MYRIP: variants seen among roughly 807,000 people sequenced by gnomAD.
MYRIP encodes the protein rab effector MyRIP.
In MYRIP, 49 loss-of-function variants were observed where a neutral mutation model predicts 98.0. That is an observed-to-expected ratio of 0.50 (90% CI 0.40 to 0.63). MYRIP has a LOEUF of 0.63. Among genes scored for constraint, MYRIP ranks in the 30% least tolerant of loss-of-function variants. The probability of loss-of-function intolerance (pLI) is 0.00; values close to 1 mark genes in which losing one functional copy is unlikely to be tolerated. For missense variants in MYRIP, 1,004 were observed against 1,058.2 expected (o/e 0.95, Z 0.71); for synonymous variants, 404 against 409.5 (o/e 0.99, Z 0.16).
intron 2 of MYRIP, among the ~76,000 whole-genome samples, chr3:39,985,657 A>G (rs1168536101): frequency 1.4e-5 from 2 of 146,996 alleles, no homozygotes; most frequent in Non-Finnish European, 3.0e-5. Flanking sequence ...AACGCTGCAT[A>G]TCTACAACTA....
At chr3:40,110,070 A>G (rs1159742031) in intron 3 of MYRIP, among the ~76,000 whole-genome samples, 2 of 152,198 alleles carry the variant, frequency 1.3e-5, no homozygotes, top group African/African-American at 4.8e-5. Flanking sequence ...TGGGCCTTAC[A>G]GCCTGTTACC....
At chr3:39,885,513 C>T (rs1344554487) in intron 1 of MYRIP, among the ~76,000 whole-genome samples, 1 of 152,002 alleles carries the variant, frequency 6.6e-6, no homozygotes. Context: ...TTCTGGCGTT[C>T]TCTGTATTTC....
rs1951683852 is a variant in MYRIP, at chr3:40,204,008, TATATATA to T, written c.1666-5838_1666-5832del. Among the ~76,000 whole-genome samples the T allele has an allele frequency of 1.5e-3, 4 of 2,640 alleles. 1 individual carries two copies. Among genetic ancestry groups the T allele is most frequent in the African/African-American group, 2.4e-3 (4 of 1,686 alleles). The allele number at this position is 2,640 out of a possible 152,430, so 1.7% of individuals were successfully genotyped here. ...AATATATATTATATATATTATATAT[TATATATA>T]ATATATATTATATATATTATATATT... On this transcript the variant is annotated intron_variant, in intron 10 of 16. Coordinates refer to ENST00000302541, the MANE Select transcript of MYRIP (RefSeq NM_015460.4).
chr3:40,103,763 A>C (rs1948998981), intron 3 of MYRIP, among the ~76,000 whole-genome samples: 1 of 152,228 alleles, frequency 6.6e-6, no homozygotes, highest in African/African-American at 2.4e-5. Context: ...CTGTCTAAAA[A>C]AAAGAGAAAA....
intron 13 of MYRIP, among the ~76,000 whole-genome samples, chr3:40,247,890 A>G (rs1229684969): frequency 6.6e-6 from 1 of 152,240 alleles, no homozygotes; most frequent in Non-Finnish European, 1.5e-5. Context: ...CCTCAGGCAT[A>G]CACGCACTTG....
chr3:39,882,433 A>G (rs1273476543), intron 1 of MYRIP, among the ~76,000 whole-genome samples: 1 of 152,216 alleles, frequency 6.6e-6, no homozygotes, highest in Non-Finnish European at 1.5e-5. Flanking sequence ...GTATCAAAAT[A>G]GAGATTTAGA....
intron 3 of MYRIP, among the ~76,000 whole-genome samples, chr3:40,139,310 G>A (rs759727700): frequency 2.1e-4 from 32 of 152,188 alleles, no homozygotes; most frequent in South Asian, 4.2e-4. Context: ...CAGTTCAACG[G>A]GTTTTGACAA....
chr3:39,944,050 G>T (rs1378500045), intron 2 of MYRIP, among the ~76,000 whole-genome samples: 1 of 152,078 alleles, frequency 6.6e-6, no homozygotes, highest in Non-Finnish European at 1.5e-5. Flanking sequence ...ATCAGGATAG[G>T]AATTTGAAAG....
chr3:40,081,586 C>G (rs887377450), intron 3 of MYRIP, among the ~76,000 whole-genome samples: 34 of 152,224 alleles, frequency 2.2e-4, no homozygotes, highest in African/African-American at 7.7e-4. Flanking sequence ...CTTTTAATGA[C>G]AACCTAACAA....
chr3:40,092,390 A>AT (rs1236992959), intron 3 of MYRIP, among the ~76,000 whole-genome samples: 1 of 152,168 alleles, frequency 6.6e-6, no homozygotes, highest in Non-Finnish European at 1.5e-5. Flanking sequence ...ACTGTAAGGG[A>AT]TAGCTATGCC....
At chr3:40,125,045 G>C (rs750144541) in intron 3 of MYRIP, among the ~76,000 whole-genome samples, 1 of 152,200 alleles carries the variant, frequency 6.6e-6, no homozygotes, top group African/African-American at 2.4e-5. Flanking sequence ...TGCCCCACAG[G>C]GTTGTTGCAA....
intron 1 of MYRIP, among the ~76,000 whole-genome samples, chr3:39,861,123 G>A (rs2125618304): frequency 6.6e-6 from 1 of 152,332 alleles, no homozygotes; most frequent in African/African-American, 2.4e-5. Context: ...GGAACATGTT[G>A]GCGTCTTCAG....
chr3:39,972,997 G>A lies in MYRIP; in HGVS notation c.111-71053G>A, dbSNP rs574335614. ...GTAAGACTAATTTGCTAAATAAATA[G>A]AGAATGTATATATGTGTGTTCATAT... On this transcript the variant is annotated intron_variant, in intron 2 of 16. Transcript: ENST00000302541. 7.8e-4 allele frequency among the ~76,000 whole-genome samples: 119 copies of A among 152,080 alleles called. 1 individual carries two copies. The highest frequency in any genetic ancestry group is 2.7e-3 in the African/African-American group (111 of 41,540).
At chr3:39,946,405 C>A (rs1416995581) in intron 2 of MYRIP, among the ~76,000 whole-genome samples, 1 of 152,118 alleles carries the variant, frequency 6.6e-6, no homozygotes, top group South Asian at 2.1e-4. Context: ...TGATATGAAG[C>A]AGTAGACTTT....
intron 2 of MYRIP, among the ~76,000 whole-genome samples, chr3:40,000,763 A>T (rs1946501551): frequency 1.3e-5 from 2 of 152,190 alleles, no homozygotes; most frequent in African/African-American, 2.4e-5. Flanking sequence ...TTCGCTGGTC[A>T]TTCTGACAGA....
chr3:40,160,845 C>T (rs914198852), intron 4 of MYRIP, among the ~76,000 whole-genome samples: 5 of 152,172 alleles, frequency 3.3e-5, no homozygotes, highest in African/African-American at 1.2e-4. Flanking sequence ...GAGGCAATGC[C>T]TTGCCCTGCT....
intron 13 of MYRIP, among the ~76,000 whole-genome samples, chr3:40,248,853 A>C (rs1404842325): frequency 6.6e-6 from 1 of 152,246 alleles, no homozygotes; most frequent in Admixed American, 6.5e-5. Context: ...ACAGAAAGGC[A>C]TCTGGGGACC....
chr3:39,855,499 G>A (rs931885134), intron 1 of MYRIP, among the ~76,000 whole-genome samples: 10 of 152,070 alleles, frequency 6.6e-5, no homozygotes, highest in African/African-American at 2.4e-4. Flanking sequence ...CTTGGACGGG[G>A]CTTCCTGCGG....
intron 2 of MYRIP, among the ~76,000 whole-genome samples, chr3:39,905,429 T>A (rs565268861): frequency 6.6e-6 from 1 of 152,348 alleles, no homozygotes; most frequent in South Asian, 2.1e-4. Context: ...TTGTCTTTTG[T>A]TTCTTGATGA....
Sources: gnomAD v4.1 joint callset for allele counts (sites outside exome capture counted in the v4.1 genomes callset) on GRCh38, gnomAD v4.1.1 for gene constraint, MANE v1.5 for transcripts, NCBI Gene and HGNC (gene_info 2026-07-23, HGNC 2026-07-21) for gene names.